IMMT: variants seen among roughly 807,000 people sequenced by gnomAD.
IMMT encodes the protein inner membrane mitochondrial protein.
A neutral mutation model predicts 92.7 loss-of-function variants in IMMT; 40 were observed. That is an observed-to-expected ratio of 0.43 (90% CI 0.34 to 0.56). The LOEUF (loss-of-function observed/expected upper bound fraction) is 0.56. Among genes scored for constraint, IMMT ranks in the 20% least tolerant of loss-of-function variants. The pLI is 0.03. For missense variants in IMMT, 831 were observed against 912.1 expected (o/e 0.91, Z 1.14); for synonymous variants, 322 against 336.1 (o/e 0.96, Z 0.46).
chr2:86,145,999 C>T, intron 14 of IMMT, 69 bp downstream of exon 14: 7 of 1,247,298 alleles, frequency 5.6e-6, no homozygotes, highest in South Asian at 4.0e-5. Flanking sequence ...CCCCATTTTC[C>T]CTATAAAATT....
intron 3 of IMMT, among the ~76,000 whole-genome samples, chr2:86,179,131 T>C (rs1677655217): frequency 1.3e-5 from 2 of 152,226 alleles, no homozygotes; most frequent in Admixed American, 6.5e-5. Context: ...AGACTTTTCT[T>C]TCTTGTCATC....
chr2:86,175,345 C>A (rs1446643226), intron 3 of IMMT, among the ~76,000 whole-genome samples: 1 of 151,888 alleles, frequency 6.6e-6, no homozygotes, highest in East Asian at 1.9e-4. Flanking sequence ...ATAAAAACAT[C>A]ATTTCTCTCT....
intron 10 of IMMT, 21 bp from the exon 11 acceptor site, chr2:86,153,595 C>G: frequency 7.0e-7 from 1 of 1,426,282 alleles, no homozygotes; most frequent in Non-Finnish European, 9.5e-7. Context: ...AAAAATAGAA[C>G]AGTTTGAAAA....
Position 86,158,693 on chromosome 2 carries a change from A to T in IMMT, c.1061T>A (p.Val354Asp), listed in dbSNP as rs1281490028. Residue 354 changes from valine to aspartate, a missense_variant, in exon 10 of 15, where the codon GTT becomes GAT. Val to Asp is a radical substitution (Grantham distance 152). Transcript: ENST00000410111. The part of the protein sequence containing the change: ...KVQAAQSEAK[V>D]VSQYHELVVQ... ...CACCAGCTCATGATACTGAGATACAACCTTAGCCTCAGACTGAGCTGCTTG... is the reference window on the plus strand; with the variant it reads ...CACCAGCTCATGATACTGAGATACATCCTTAGCCTCAGACTGAGCTGCTTG... The T allele has an allele frequency of 6.2e-7, 1 of 1,606,704 alleles. No homozygotes were observed. Among genetic ancestry groups the T allele is most frequent in the Non-Finnish European group, 8.5e-7 (1 of 1,176,308 alleles).
In IMMT at chr2:86,144,141, A is replaced by G; in HGVS notation, c.*127T>C. On this transcript the variant is annotated 3_prime_UTR_variant, in exon 15 of 15. Transcript: ENST00000410111. ...GAATATAAATGCAACAGGTGTTAAC[A>G]TTTAGAACAGTACTTGTAAACCTGC... 9.9e-7 allele frequency: 1 copy of G among 1,012,362 alleles called. No individual in the cohort carries two copies. Among genetic ancestry groups the G allele is most frequent in the South Asian group, 1.7e-5 (1 of 60,184 alleles). The allele number at this position is 1,012,362 out of a possible 1,614,324, so 62.7% of individuals were successfully genotyped here.
chr2:86,166,556 A>G lies in IMMT; in HGVS notation c.744T>C (p.Ala248=), dbSNP rs1470164060. Residue 248 remains alanine, a synonymous_variant, in exon 7 of 15, where the codon GCT becomes GCC. Coordinates refer to ENST00000410111, the MANE Select transcript of IMMT (RefSeq NM_006839.3). ...TCAATATGTTGGAGTGTGCATTGAC[A>G]GCCTGGACCGCAGCATTCTGAGCTG... ...AIAAQNAAVQ[A]VNAHSNILKA... 1.2e-5 allele frequency: 20 copies of G among 1,613,282 alleles called. No individual in the cohort carries two copies. Among genetic ancestry groups the G allele is most frequent in the Non-Finnish European group, 1.7e-5 (20 of 1,179,844 alleles).
chr2:86,164,217 C>T (rs945175399), intron 7 of IMMT, among the ~76,000 whole-genome samples: 3 of 150,888 alleles, frequency 2.0e-5, no homozygotes, highest in African/African-American at 2.4e-5. Context: ...GCCACCATGC[C>T]CAGCTAATTT....
intron 11 of IMMT, among the ~76,000 whole-genome samples, chr2:86,153,304 TACACACACACACAC>T (rs10572745): frequency 1.2e-4 from 17 of 143,838 alleles, no homozygotes; most frequent in South Asian, 2.2e-4. Flanking sequence ...CAATCCATAT[TACACACACACACAC>T]ACACACACAC....
In IMMT at chr2:86,144,193, CGCT is replaced by C; in HGVS notation, c.*72_*74del. The C allele has an allele frequency of 6.5e-7, 1 of 1,526,892 alleles. No homozygotes were observed. The highest frequency in any genetic ancestry group is 2.3e-5 in the East Asian group (1 of 44,100). 94.6% of individuals were successfully genotyped at this position (1,526,892 alleles called of 1,614,324 possible). ...CATTTCTAGACAAGTCCGGGACTCT[CGCT>C]GCGAACCCTTCATCTATCACTGCTG... is the stretch of plus-strand genomic sequence containing the variant. On this transcript the variant is annotated 3_prime_UTR_variant, in exon 15 of 15. Coordinates refer to ENST00000410111, the MANE Select transcript of IMMT (RefSeq NM_006839.3).
Position 86,144,545 on chromosome 2 carries a change from A to T in IMMT, c.2000T>A (p.Leu667His). ...QYFLSYLQSL[L>H]LFPPQQLKPP... ...CTTCAGTTGCTGAGGTGGGAATAGG[A>T]GCAGGGACTGTAGGTAGGAGAGGAA... Residue 667 changes from leucine to histidine, a missense_variant, in exon 15 of 15, where the codon CTC (leucine) becomes CAC (histidine). By Grantham distance (99) the Leu-to-His change is moderately conservative. Transcript: ENST00000410111. 1 of 1,613,986 alleles carries T rather than the reference A, an allele frequency of 6.2e-7. No homozygotes were observed. Among genetic ancestry groups the T allele is most frequent in the Non-Finnish European group, 8.5e-7 (1 of 1,179,888 alleles).
Position 86,153,546 on chromosome 2 carries a change from T to C in IMMT, c.1177+14A>G, listed in dbSNP as rs754515584. On this transcript the variant is annotated intron_variant, in intron 11 of 14. Coordinates refer to ENST00000410111, the MANE Select transcript of IMMT (RefSeq NM_006839.3). ...AACAAAAGACTTTAAACATGAAATA[T>C]ACATAACACTCACCTAAGTCTGAAA... is the stretch of plus-strand genomic sequence containing the variant. 47 of 1,443,346 alleles carry C rather than the reference T, an allele frequency of 3.3e-5. No individual in the cohort carries two copies. Among genetic ancestry groups the C allele is most frequent in the Non-Finnish European group, 4.1e-5 (44 of 1,071,524 alleles). The allele number at this position is 1,443,346 out of a possible 1,614,324, so 89.4% of individuals were successfully genotyped here.
In IMMT at chr2:86,151,536, T is replaced by C. The variant is rs1180267560; in HGVS notation, c.1178-16A>G. On this transcript the variant is annotated splice_polypyrimidine_tract_variant and intron_variant, in intron 11 of 14. Transcript: ENST00000410111. The stretch of plus-strand genomic sequence containing the variant: ...AGCTTGTCAGCTAAGCAAAAGAGCA[T>C]GTTAAAATATTAATGATGTCACTGA... 1.5e-5 allele frequency: 23 copies of C among 1,557,514 alleles called. No individual in the cohort carries two copies. In the Admixed American group the frequency reaches 3.8e-4, roughly 26 times the overall value.
intron 3 of IMMT, among the ~76,000 whole-genome samples, chr2:86,175,494 T>G (rs887310965): frequency 6.6e-6 from 1 of 152,112 alleles, no homozygotes; most frequent in Non-Finnish European, 1.5e-5. Flanking sequence ...TACATATATA[T>G]TTGAGAGAAA....
intron 12 of IMMT, among the ~76,000 whole-genome samples, chr2:86,150,571 A>C (rs1049170075): frequency 6.6e-6 from 1 of 152,222 alleles, no homozygotes; most frequent in African/African-American, 2.4e-5. Flanking sequence ...CACCTATTTA[A>C]TAAATGGTGT....
chr2:86,144,154 C>T lies in IMMT; in HGVS notation c.*114G>A. 8.7e-7 allele frequency: 1 copy of T among 1,154,396 alleles called. No homozygotes were observed. Among genetic ancestry groups the T allele is most frequent in the Non-Finnish European group, 1.2e-6 (1 of 819,606 alleles). The allele number at this position is 1,154,396 out of a possible 1,614,324, so 71.5% of individuals were successfully genotyped here. A position where few individuals can be genotyped will look rare whatever the true frequency, so the allele number is the denominator to read the frequency against. On this transcript the variant is annotated 3_prime_UTR_variant, in exon 15 of 15. Transcript: ENST00000410111. ...ACAGGTGTTAACATTTAGAACAGTA[C>T]TTGTAAACCTGCTCATTTCTAGACA...
chr2:86,186,813 T>C (rs995024956), intron 1 of IMMT, among the ~76,000 whole-genome samples: 1 of 152,226 alleles, frequency 6.6e-6, no homozygotes, highest in African/African-American at 2.4e-5. Flanking sequence ...GGTGGCCTGT[T>C]ATGCAGCTGT....
chr2:86,181,201 A>G, intron 2 of IMMT, 98 bp downstream of exon 2: 1 of 852,724 alleles, frequency 1.2e-6, no homozygotes, highest in South Asian at 1.5e-5. Flanking sequence ...CCCTTTTTAA[A>G]AAAAGGTTTA....
chr2:86,193,239 A>T (rs912149728), intron 1 of IMMT: 15 of 151,806 alleles, frequency 9.9e-5, no homozygotes, highest in African/African-American at 3.6e-4. Context: ...CTCCGTCTCT[A>T]CAAAAATTTT....
At chr2:86,166,951 A>T (rs919701128) in intron 6 of IMMT, among the ~76,000 whole-genome samples, 1 of 151,490 alleles carries the variant, frequency 6.6e-6, no homozygotes, top group African/African-American at 2.4e-5. Context: ...TACAAAAATT[A>T]GCCAGGCATG....
Sources: allele counts gnomAD v4.1 joint callset (sites outside exome capture counted in the v4.1 genomes callset), GRCh38; gene constraint gnomAD v4.1.1; transcripts MANE v1.5; gene names NCBI Gene and HGNC (gene_info 2026-07-23, HGNC 2026-07-21).